The following SEMA3A variants were observed in gnomAD, a reference collection of about 807,000 sequenced individuals.
SEMA3A encodes semaphorin-3A.
A neutral mutation model predicts 97.9 loss-of-function variants in SEMA3A; 29 were observed. That is an observed-to-expected ratio of 0.30 (90% CI 0.22 to 0.40). The LOEUF is 0.40. Ranked by LOEUF, SEMA3A falls within the 10% of genes least tolerant of loss-of-function variation. The pLI, the probability that SEMA3A is intolerant of heterozygous loss-of-function variation, is 1.00. For synonymous variants in SEMA3A, 321 were observed against 323.7 expected, an observed-to-expected ratio of 0.99 and a Z score of 0.09; for missense variants, 763 against 951.3, an observed-to-expected ratio of 0.80 and a Z score of 2.60.
At chr7:84,146,757 GT>G (rs1796473224) in intron 1 of SEMA3A, among the ~76,000 whole-genome samples, 1 of 151,458 alleles carries the variant, frequency 6.6e-6, no homozygotes, top group South Asian at 2.1e-4. Flanking sequence ...ATTCCCATTG[GT>G]TTTATTTAAT....
chr7:84,347,034 T>A (rs971380062), intron 2 of SEMA3A, among the ~76,000 whole-genome samples: 1 of 152,178 alleles, frequency 6.6e-6, no homozygotes, highest in African/African-American at 2.4e-5. Context: ...AACACTAAAA[T>A]GCTAATAACA....
chr7:83,968,838 T>C (rs1335929881), intron 15 of SEMA3A, among the ~76,000 whole-genome samples: 1 of 134,764 alleles, frequency 7.4e-6, no homozygotes, highest in Non-Finnish European at 1.5e-5. Flanking sequence ...GGAGAAAGAG[T>C]CTCACTCTCT....
At chr7:84,470,705 C>CA (rs1806124796) in intron 1 of SEMA3A, among the ~76,000 whole-genome samples, 2 of 149,242 alleles carry the variant, frequency 1.3e-5, no homozygotes, top group African/African-American at 4.9e-5. Flanking sequence ...CTCCAATTAT[C>CA]TTTTTTTTTT....
chr7:84,200,208 T>G (rs1798320733), intron 3 of SEMA3A, among the ~76,000 whole-genome samples: 1 of 152,122 alleles, frequency 6.6e-6, no homozygotes, highest in Admixed American at 6.6e-5. Flanking sequence ...ATATTAATGT[T>G]TATGATACTT....
At chr7:84,409,299 C>A (rs1253108061) in intron 1 of SEMA3A, among the ~76,000 whole-genome samples, 1 of 151,172 alleles carries the variant, frequency 6.6e-6, no homozygotes, top group Non-Finnish European at 1.5e-5. Context: ...ACCACATGTA[C>A]CCCATAAATA....
chr7:84,267,868 T>C (rs55810418), intron 3 of SEMA3A, among the ~76,000 whole-genome samples: 10,878 of 152,212 alleles, frequency 0.071, 542 homozygotes, highest in Non-Finnish European at 0.084. Flanking sequence ...AAAACTTTAT[T>C]CTTTTCTAAA....
chr7:84,152,638 C>T lies in SEMA3A; in HGVS notation c.113-17687G>A, dbSNP rs576741569. Among the ~76,000 whole-genome samples the T allele has an allele frequency of 3.3e-3, 494 of 148,142 alleles. 2 individuals carry two copies. The highest frequency in any genetic ancestry group is 5.4e-3 in the Non-Finnish European group (365 of 67,200). On this transcript the variant is annotated intron_variant, in intron 1 of 16. Coordinates refer to ENST00000265362, the MANE Select transcript of SEMA3A (RefSeq NM_006080.3). The stretch of plus-strand genomic sequence containing the variant: ...AGCACACCAGCATGGCACATGTATA[C>T]GTATGTAACTAACCTGCACAATGTG...
chr7:84,136,459 C>G (rs963350982), intron 1 of SEMA3A, among the ~76,000 whole-genome samples: 2 of 152,278 alleles, frequency 1.3e-5, no homozygotes, highest in East Asian at 3.9e-4. Context: ...CTCATGTCCT[C>G]TATCATGCGG....
At chr7:84,203,517 TATATA>T (rs1419763162) in intron 3 of SEMA3A, among the ~76,000 whole-genome samples, 1 of 56,398 alleles carries the variant, frequency 1.8e-5, no homozygotes, top group Non-Finnish European at 4.1e-5. Context: ...TATATATATA[TATATA>T]TATATTTTTT....
intron 1 of SEMA3A, among the ~76,000 whole-genome samples, chr7:84,182,145 C>T (rs1797753178): frequency 6.6e-6 from 1 of 152,038 alleles, no homozygotes; most frequent in South Asian, 2.1e-4. Flanking sequence ...GACTGAATAT[C>T]CTCTTTCCTG....
At chr7:84,241,746 T>A in intron 3 of SEMA3A, among the ~76,000 whole-genome samples, 2 of 152,158 alleles carry the variant, frequency 1.3e-5, no homozygotes, top group East Asian at 3.8e-4. Flanking sequence ...TCTTCTAGGG[T>A]TTTTATGGTT....
intron 1 of SEMA3A, among the ~76,000 whole-genome samples, chr7:84,407,988 G>C (rs899045207): frequency 6.6e-6 from 1 of 152,112 alleles, no homozygotes; most frequent in Non-Finnish European, 1.5e-5. Context: ...GCATGGGCAA[G>C]GACTTCATGT....
intron 3 of SEMA3A, among the ~76,000 whole-genome samples, chr7:84,254,577 T>C (rs1799674576): frequency 6.6e-6 from 1 of 152,154 alleles, no homozygotes; most frequent in South Asian, 2.1e-4. Flanking sequence ...TTCTAAATAT[T>C]GTACATTTCA....
chr7:84,182,555 A>G (rs1014736237), intron 1 of SEMA3A, among the ~76,000 whole-genome samples: 3 of 152,124 alleles, frequency 2.0e-5, no homozygotes, highest in Admixed American at 2.0e-4. Context: ...TGTCTCAGTA[A>G]GTACTCAGAT....
intron 1 of SEMA3A, among the ~76,000 whole-genome samples, chr7:84,408,904 G>A (rs936077902): frequency 3.3e-5 from 5 of 151,932 alleles, no homozygotes; most frequent in African/African-American, 1.2e-4. Context: ...TGGGGTTGGG[G>A]GAGCGGGGAG....
rs1417051362 is a variant in SEMA3A at position 83,993,721 on chromosome 7, C to T, written c.1452+8234G>A. Among the ~76,000 whole-genome samples the T allele has an allele frequency of 1.1e-4, 11 of 103,130 alleles. 1 individual carries two copies. Among genetic ancestry groups the T allele is most frequent in the Admixed American group, 4.0e-4 (4 of 9,960 alleles). 67.7% of individuals were successfully genotyped at this position (103,130 alleles called of 152,430 possible). A position where few individuals can be genotyped will look rare whatever the true frequency, so the allele number is the denominator to read the frequency against. Reference sequence around the variant, plus strand: ...GATCGGCTTCCCTTTGAGGGTAACCCGACCTTTCTCTCTGGCTGCCCTTAA... The same window carrying T: ...GATCGGCTTCCCTTTGAGGGTAACCTGACCTTTCTCTCTGGCTGCCCTTAA... On this transcript the variant is annotated intron_variant, in intron 12 of 16. Coordinates refer to ENST00000265362, the MANE Select transcript of SEMA3A (RefSeq NM_006080.3).
intron 2 of SEMA3A, among the ~76,000 whole-genome samples, chr7:84,322,479 A>T (rs34293006): frequency 0.013 from 2,033 of 152,108 alleles, 30 homozygotes; most frequent in Non-Finnish European, 0.02. Flanking sequence ...TAATTGAATC[A>T]TGGGGGCAGT....
intron 1 of SEMA3A, among the ~76,000 whole-genome samples, chr7:84,153,295 C>G (rs756980763): frequency 9.2e-5 from 14 of 152,228 alleles, no homozygotes; most frequent in Admixed American, 7.2e-4. Context: ...TCAGGAGAGG[C>G]CTGTCATCCA....
At chr7:84,283,244 C>A (rs1038458903) in intron 3 of SEMA3A, among the ~76,000 whole-genome samples, 1 of 151,922 alleles carries the variant, frequency 6.6e-6, no homozygotes, top group Non-Finnish European at 1.5e-5. Flanking sequence ...AGCAGTATAC[C>A]GATGAACACA....
Sources: gnomAD v4.1 joint callset for allele counts (sites outside exome capture counted in the v4.1 genomes callset) on GRCh38, gnomAD v4.1.1 for gene constraint, MANE v1.5 for transcripts, NCBI Gene and HGNC (gene_info 2026-07-23, HGNC 2026-07-21) for gene names.